Variants in SLC35C1 observed in about 807,000 individuals in gnomAD.
The protein encoded by SLC35C1 is GDP-fucose transporter 1.
SLC35C1 carries 8 observed loss-of-function variants against 23.2 expected under a neutral mutation model. The ratio of observed to expected loss-of-function variants is 0.35; its 90% CI spans 0.20 to 0.62. SLC35C1 has a LOEUF of 0.62. SLC35C1 is among the 20% of genes least tolerant of loss of function. The probability of loss-of-function intolerance (pLI) is 0.75; values close to 1 mark genes in which losing one functional copy is unlikely to be tolerated. For missense variants in SLC35C1, 422 were observed against 478.6 expected (o/e 0.88, Z 1.10); for synonymous variants, 226 against 225.1 (o/e 1.00, Z -0.04).
intron 1 of SLC35C1, chr11:45,806,933 A>G: frequency 1.0e-6 from 1 of 983,982 alleles, no homozygotes; most frequent in Non-Finnish European, 1.2e-6. Flanking sequence ...AGACAGTAGC[A>G]AGCAATATGC....
upstream of SLC35C1, chr11:45,804,082 C>G (rs2085838941): frequency 6.6e-6 from 1 of 152,318 alleles, no homozygotes; most frequent in South Asian, 2.1e-4. Context: ...TCCCCGCACG[C>G]ACTTCTGGAA....
chr11:45,806,804 T>C, intron 1 of SLC35C1: 1 of 715,088 alleles, frequency 1.4e-6, no homozygotes, highest in Non-Finnish European at 1.7e-6. Context: ...CCGACCACTG[T>C]ACTTTATTGT....
chr11:45,806,360 G>A (rs201712595), intron 1 of SLC35C1, 24 bp downstream of exon 1: 178 of 1,609,948 alleles, frequency 1.1e-4, no homozygotes, highest in Non-Finnish European at 1.4e-4. Flanking sequence ...GGGGCCACGG[G>A]GGATAGAGTG....
At chr11:45,810,557 G>C (rs1280893069) in intron 1 of SLC35C1, 1 of 985,330 alleles carries the variant, frequency 1.0e-6, no homozygotes, top group Non-Finnish European at 1.2e-6. Context: ...TAAGCTGCCA[G>C]AGGAGGTTTT....
At position 45,805,177 on chromosome 11, in the gene SLC35C1, G is replaced by C. The variant is rs1276833030; in HGVS notation, c.-625G>C. The C allele has an allele frequency of 1.9e-5, 19 of 991,490 alleles. No homozygotes were observed. In the South Asian group the frequency reaches 7.2e-4, roughly 37 times the overall value. 61.4% of individuals were successfully genotyped at this position (991,490 alleles called of 1,614,324 possible). A position where few individuals can be genotyped will look rare whatever the true frequency, so the allele number is the denominator to read the frequency against. ...GGATGTCCGGAGGCTCCTGGGCTGA[G>C]CCGGCGACAGAGCCCGGGAAGGCAG... On this transcript the variant is annotated 5_prime_UTR_variant, in exon 1 of 2. Transcript: ENST00000314134.
At chr11:45,810,161 G>C in intron 1 of SLC35C1, 3 of 985,414 alleles carry the variant, frequency 3.0e-6, no homozygotes, top group Non-Finnish European at 3.6e-6. Context: ...TGGCAGAAGT[G>C]GGGAGCCACG....
rs1263733426 is a variant in SLC35C1 at position 45,806,092 on chromosome 11, C to T, written c.291C>T (p.Cys97=). The change falls in exon 1 of 2, where the codon TGC becomes TGT. Residue 97 remains cysteine, a synonymous_variant. Transcript: ENST00000314134. ...AAGGCCTCAGCGCTCTGGCCGCCTG[C>T]TGCCCTGGTGCCGTGGACTTCCCCA... ...LCKGLSALAA[C]CPGAVDFPSL... 12 of 1,611,352 alleles carry T rather than the reference C, an allele frequency of 7.4e-6. No individual in the cohort carries two copies. The highest frequency in any genetic ancestry group is 1.0e-5 in the Non-Finnish European group (12 of 1,179,966).
chr11:45,810,201 A>G, intron 1 of SLC35C1: 1 of 985,418 alleles, frequency 1.0e-6, no homozygotes, highest in Non-Finnish European at 1.2e-6. Context: ...GTGACACAAG[A>G]TGAGAGTCTC....
In SLC35C1 at chr11:45,805,400, G is replaced by A; in HGVS notation, c.-402G>A. ...GGCACCTCTTCCCACTCTGCCACGCGTCCTTTTCCTGCACCTTCGCCCCGC... is the reference window on the plus strand; with the variant it reads ...GGCACCTCTTCCCACTCTGCCACGCATCCTTTTCCTGCACCTTCGCCCCGC... On this transcript the variant is annotated 5_prime_UTR_variant, in exon 1 of 2. Coordinates refer to ENST00000314134, the MANE Select transcript of SLC35C1 (RefSeq NM_018389.5). The A allele has an allele frequency of 1.0e-6, 1 of 992,102 alleles. No homozygotes were observed. Among genetic ancestry groups the A allele is most frequent in the Non-Finnish European group, 1.2e-6 (1 of 837,810 alleles). The allele number at this position is 992,102 out of a possible 1,614,324, so 61.5% of individuals were successfully genotyped here. A position where few individuals can be genotyped will look rare whatever the true frequency, so the allele number is the denominator to read the frequency against.
Position 45,811,080 on chromosome 11 carries a change from C to T in SLC35C1, c.840C>T (p.Ile280=), listed in dbSNP as rs368103927. ...TGGGCGGCCTGTTTGGCTTTGCCAT[C>T]GGCTACGTGACAGGACTGCAGATCA... ...MTLGGLFGFA[I]GYVTGLQIKF... is the part of the protein sequence containing the mutation. The change falls in exon 2 of 2, where the codon ATC becomes ATT. Residue 280 remains isoleucine, a synonymous_variant. Transcript: ENST00000314134. The T allele has an allele frequency of 1.7e-5, 28 of 1,613,204 alleles. No homozygotes were observed. Among genetic ancestry groups the T allele is most frequent in the Middle Eastern group, 1.6e-4 (1 of 6,062 alleles).
upstream of SLC35C1, chr11:45,804,695 G>A (rs1590741388): frequency 2.0e-6 from 2 of 985,328 alleles, no homozygotes; most frequent in African/African-American, 1.7e-5. Flanking sequence ...AAAATGGGGG[G>A]AAAGGAGGGG....
At chr11:45,809,572 A>T (rs1355421850) in intron 1 of SLC35C1, among the ~76,000 whole-genome samples, 2 of 152,122 alleles carry the variant, frequency 1.3e-5, no homozygotes, top group Non-Finnish European at 2.9e-5. Context: ...CACAGCCTGG[A>T]CCGATCTGGA....
chr11:45,809,886 G>T, intron 1 of SLC35C1: 8 of 985,466 alleles, frequency 8.1e-6, no homozygotes, highest in Non-Finnish European at 9.6e-6. Flanking sequence ...GCCCAGAGCA[G>T]GCAAGGGGCT....
rs1279534869 is a variant in SLC35C1 at position 45,811,397 on chromosome 11, T to C, written c.*62T>C. ...CCGTACACAGGCGGGGCCAGCACAGTAGTGAAGGCGGTCTCCTGGACCCCA... is the reference window on the plus strand; with the variant it reads ...CCGTACACAGGCGGGGCCAGCACAGCAGTGAAGGCGGTCTCCTGGACCCCA... On this transcript the variant is annotated 3_prime_UTR_variant, in exon 2 of 2. Transcript: ENST00000314134. 7.3e-7 allele frequency: 1 copy of C among 1,364,498 alleles called. No homozygotes were observed. The highest frequency in any genetic ancestry group is 1.5e-5 in the African/African-American group (1 of 68,368). The allele number at this position is 1,364,498 out of a possible 1,614,324, so 84.5% of individuals were successfully genotyped here.
At chr11:45,805,147 G>A, upstream of SLC35C1, 5 of 986,528 alleles carry the variant, frequency 5.1e-6, no homozygotes, top group Non-Finnish European at 4.8e-6. Flanking sequence ...CGGGGAGTCG[G>A]CCTCGGATGT....
chr11:45,809,797 C>G (rs757502469), intron 1 of SLC35C1: 1 of 985,422 alleles, frequency 1.0e-6, no homozygotes, highest in Non-Finnish European at 1.2e-6. Flanking sequence ...GTATAACATG[C>G]ATTGTTCAGC....
rs1565040267 is a variant in SLC35C1 at position 45,805,446 on chromosome 11, C to T, written c.-356C>T. 8.7e-7 allele frequency: 1 copy of T among 1,151,322 alleles called. No individual in the cohort carries two copies. The highest frequency in any genetic ancestry group is 1.1e-6 in the Non-Finnish European group (1 of 926,844). 71.3% of individuals were successfully genotyped at this position (1,151,322 alleles called of 1,614,324 possible). ...CCCGCGTACCTACTCCTGCCCCGCCCTGCCATTCCTCTCCCCTCCCTTCTC... is the reference window on the plus strand; with the variant it reads ...CCCGCGTACCTACTCCTGCCCCGCCTTGCCATTCCTCTCCCCTCCCTTCTC... On this transcript the variant is annotated 5_prime_UTR_variant, in exon 1 of 2. Transcript: ENST00000314134.
intron 1 of SLC35C1, chr11:45,810,388 A>G: frequency 1.0e-6 from 1 of 985,452 alleles, no homozygotes; most frequent in Non-Finnish European, 1.2e-6. Context: ...AACTCAGTTC[A>G]ACTGTTATTT....
chr11:45,806,853 C>A, intron 1 of SLC35C1: 1 of 980,824 alleles, frequency 1.0e-6, no homozygotes, highest in Non-Finnish European at 1.2e-6. Flanking sequence ...CCAGCCAGTG[C>A]TCTTAGTAGA....
Sources: gnomAD v4.1 joint callset for allele counts (sites outside exome capture counted in the v4.1 genomes callset) on GRCh38, gnomAD v4.1.1 for gene constraint, MANE v1.5 for transcripts, NCBI Gene and HGNC (gene_info 2026-07-23, HGNC 2026-07-21) for gene names.